PRRC2B: variants seen among roughly 807,000 people sequenced by gnomAD.
PRRC2B encodes protein PRRC2B.
Under a neutral mutation model 242.3 loss-of-function variants are expected in PRRC2B, and 68 were observed. That is an observed-to-expected ratio of 0.28 (90% confidence interval 0.23 to 0.34). The LOEUF is 0.34. Ranked by LOEUF, PRRC2B falls within the 10% of genes least tolerant of loss-of-function variation. The pLI, the probability that PRRC2B is intolerant of heterozygous loss-of-function variation, is 1.00. For missense variants in PRRC2B, 2,835 were observed against 2,954.8 expected, an observed-to-expected ratio of 0.96 and a Z score of 0.94; for synonymous variants, 1,228 against 1,173.6, an observed-to-expected ratio of 1.05 and a Z score of -0.95.
chr9:131,495,573 T>G (rs896692087), intron 31 of PRRC2B, among the ~76,000 whole-genome samples, 167 bp from the exon 32 acceptor site: 2 of 152,142 alleles, frequency 1.3e-5, no homozygotes, highest in South Asian at 4.1e-4. Flanking sequence ...CGCGCCACTT[T>G]CCTTACTAGG....
chr9:131,470,954 A>C lies in PRRC2B; in HGVS notation c.2078A>C (p.Asp693Ala). 1 of 1,611,840 alleles carries C rather than the reference A, an allele frequency of 6.2e-7. No homozygotes were observed. Among genetic ancestry groups the C allele is most frequent in the Non-Finnish European group, 8.5e-7 (1 of 1,178,868 alleles). The change falls in exon 14 of 32, where the codon GAC (aspartate) becomes GCC (alanine). Residue 693 changes from aspartate (D) to alanine (A), a missense_variant. Physicochemically the swap from Asp to Ala is moderately radical, Grantham distance 126. Coordinates refer to ENST00000683519, the MANE Select transcript of PRRC2B (RefSeq NM_013318.4). ...ATCACGCCCACTCGGACCCCGGTGG[A>C]CTTCTACCCCTCCGCCCTGCATCCC... is the stretch of plus-strand genomic sequence containing the variant. ...PRITPTRTPV[D>A]FYPSALHPSG...
At position 131,498,979 on chromosome 9, in the gene PRRC2B, T is replaced by G. The variant is rs989543270; in HGVS notation, c.*3105T>G. 2 of 151,500 alleles carry G rather than the reference T, an allele frequency of 1.3e-5. No individual in the cohort carries two copies. Among genetic ancestry groups the G allele is most frequent in the Non-Finnish European group, 3.0e-5 (2 of 67,790 alleles). The allele number at this position is 151,500 out of a possible 1,614,324, so 9.4% of individuals were successfully genotyped here. A position where few individuals can be genotyped will look rare whatever the true frequency, so the allele number is the denominator to read the frequency against. Reference sequence around the variant, plus strand: ...TGGCTTCTCCCCACAGCGTTTTTTGTTTTTTTTTAAACATTCATATTGTTT... The same window carrying G: ...TGGCTTCTCCCCACAGCGTTTTTTGGTTTTTTTTAAACATTCATATTGTTT... On this transcript the variant is annotated 3_prime_UTR_variant, in exon 32 of 32. Transcript: ENST00000683519.
intron 25 of PRRC2B, among the ~76,000 whole-genome samples, 154 bp from the exon 26 acceptor site, chr9:131,485,931 C>A (rs3808829): frequency 0.88 from 134,218 of 152,134 alleles, 59,728 homozygotes; most frequent in South Asian, 0.97. Context: ...CGTGTGCTTC[C>A]GGCACACAGG....
In PRRC2B at chr9:131,482,463, A is replaced by G. The variant is rs1246035168; in HGVS notation, c.5076A>G (p.Pro1692=). The change falls in exon 21 of 32, where the codon CCA becomes CCG. Residue 1692 remains proline, a synonymous_variant. Transcript: ENST00000683519. This position sits in a 1 kb window ranked among gnomAD's most constrained non-coding sequence, Gnocchi z 5.2. ...CGACCTCCTCGCAGCGCAGCTCCCC[A>G]TATGGGACTCTGAAGCCAGAGGAGA... The part of the protein sequence containing the change: ...SSATSSQRSS[P]YGTLKPEEMS... 3.1e-6 allele frequency: 5 copies of G among 1,612,086 alleles called. No individual in the cohort carries two copies. Among genetic ancestry groups the G allele is most frequent in the East Asian group, 2.2e-5 (1 of 44,844 alleles).
At chr9:131,397,434 C>T (rs1053101878) in intron 1 of PRRC2B, among the ~76,000 whole-genome samples, 4 of 152,182 alleles carry the variant, frequency 2.6e-5, no homozygotes, top group African/African-American at 2.4e-5. Context: ...AGCATGGGTC[C>T]CTTTGCCTTG....
intron 26 of PRRC2B, chr9:131,486,509 C>T (rs1329588738): frequency 2.0e-6 from 2 of 985,432 alleles, no homozygotes; most frequent in Non-Finnish European, 2.4e-6. Flanking sequence ...GAAGAAAGGC[C>T]TAAACTCCCA....
chr9:131,495,721 C>T lies in PRRC2B; in HGVS notation c.6556-19C>T. The T allele has an allele frequency of 1.3e-6, 2 of 1,591,362 alleles. No homozygotes were observed. Among genetic ancestry groups the T allele is most frequent in the South Asian group, 1.1e-5 (1 of 90,672 alleles). On this transcript the variant is annotated intron_variant, in intron 31 of 31. Transcript: ENST00000683519. ...TCAGCGTCAGGGTCACTTTGTTTTT[C>T]CCATTCATCTGTCCAAAGGCAAAAC... is the stretch of plus-strand genomic sequence containing the variant.
intron 1 of PRRC2B, among the ~76,000 whole-genome samples, chr9:131,426,337 C>CAAAAAAAAAAA (rs5900939): frequency 1.2e-5 from 1 of 84,456 alleles, no homozygotes; most frequent in Non-Finnish European, 2.5e-5. Context: ...AACTCTGTCT[C>CAAAAAAAAAAA]AAAAAAAAAA....
chr9:131,482,451 G>A lies in PRRC2B; in HGVS notation c.5064G>A (p.Gln1688=). 6.2e-7 allele frequency: 1 copy of A among 1,610,226 alleles called. No individual in the cohort carries two copies. Among genetic ancestry groups the A allele is most frequent in the Non-Finnish European group, 8.5e-7 (1 of 1,176,688 alleles). The part of the protein sequence containing the change: ...ESRESSATSS[Q]RSSPYGTLKP... Reference sequence around the variant, plus strand: ...GGGAGTCGTCTGCGACCTCCTCGCAGCGCAGCTCCCCATATGGGACTCTGA... The same window carrying A: ...GGGAGTCGTCTGCGACCTCCTCGCAACGCAGCTCCCCATATGGGACTCTGA... Residue 1688 remains glutamine, a synonymous_variant, in exon 21 of 32, where the codon CAG becomes CAA. Transcript: ENST00000683519. The surrounding 1 kb of genome is among the most constrained non-coding windows in gnomAD (Gnocchi z 5.2).
chr9:131,486,274 T>G (rs1165560846), intron 26 of PRRC2B, 92 bp downstream of exon 26: 1 of 964,222 alleles, frequency 1.0e-6, no homozygotes, highest in African/African-American at 1.6e-5. Flanking sequence ...TCTCATTGTC[T>G]GTCTGGTTTT....
At chr9:131,484,630 G>T (rs537382270) in intron 23 of PRRC2B, 56 bp from the exon 24 acceptor site, 3 of 1,450,178 alleles carry the variant, frequency 2.1e-6, no homozygotes, top group Admixed American at 2.0e-5. Context: ...ATGGGTTTGG[G>T]CAAAGCCATC....
At chr9:131,426,319 CAGAA>C (rs1176781698) in intron 1 of PRRC2B, among the ~76,000 whole-genome samples, 5 of 101,552 alleles carry the variant, frequency 4.9e-5, no homozygotes, top group African/African-American at 2.1e-4. Flanking sequence ...GCCTGAGCTA[CAGAA>C]AGAAACTCTG....
At chr9:131,481,414 C>G (rs943029456) in intron 19 of PRRC2B, among the ~76,000 whole-genome samples, 1 of 151,524 alleles carries the variant, frequency 6.6e-6, no homozygotes, top group Non-Finnish European at 1.5e-5. Flanking sequence ...ATGAGCATAG[C>G]GGAAATAACG....
chr9:131,465,098 CCCA>C lies in PRRC2B; in HGVS notation c.1720+24_1720+26del. 1 of 1,584,874 alleles carries C rather than the reference CCCA, an allele frequency of 6.3e-7. No individual in the cohort carries two copies. On this transcript the variant is annotated intron_variant, in intron 12 of 31. Coordinates refer to ENST00000683519, the MANE Select transcript of PRRC2B (RefSeq NM_013318.4). ...ACAAAGGTAAGAGCTGGGCCGTCTT[CCCA>C]CCAACTGGAAACCCTGGCCTGTTGT...
At chr9:131,439,903 T>G (rs1365866235) in intron 5 of PRRC2B, among the ~76,000 whole-genome samples, 1 of 149,492 alleles carries the variant, frequency 6.7e-6, no homozygotes, top group Non-Finnish European at 1.5e-5. Context: ...CTGGCTGATT[T>G]TTTTTTTTTT....
chr9:131,410,229 G>C (rs888099486), intron 1 of PRRC2B, among the ~76,000 whole-genome samples: 6 of 152,256 alleles, frequency 3.9e-5, no homozygotes, highest in African/African-American at 1.4e-4. Context: ...GCCCAAGCCT[G>C]CCTGCCTGTG....
intron 28 of PRRC2B, chr9:131,490,794 G>A: frequency 2.9e-6 from 1 of 342,422 alleles, no homozygotes; most frequent in South Asian, 2.2e-5. Context: ...CGTGTGTGCT[G>A]TACAAAGGAA....
chr9:131,447,990 G>C, intron 9 of PRRC2B, 186 bp downstream of exon 9: 1 of 486,640 alleles, frequency 2.1e-6, no homozygotes, highest in Non-Finnish European at 3.5e-6. Context: ...TTCCTTCCTG[G>C]CCAAGCCATT....
upstream of PRRC2B, among the ~76,000 whole-genome samples, chr9:131,393,360 A>G (rs1402685329): frequency 1.3e-5 from 2 of 152,130 alleles, no homozygotes; most frequent in South Asian, 2.1e-4. Context: ...GGTGTCTAAA[A>G]AAGTAAGAAC....
Sources: gnomAD v4.1 joint callset for allele counts (sites outside exome capture counted in the v4.1 genomes callset) on GRCh38, gnomAD v4.1.1 for gene constraint, Gnocchi (gnomAD v3.1) non-coding constraint, MANE v1.5 for transcripts, NCBI Gene and HGNC (gene_info 2026-07-23, HGNC 2026-07-21) for gene names.